CREM: variants seen among roughly 807,000 people sequenced by gnomAD.
CREM encodes the protein cAMP responsive element modulator, also known as cAMP-responsive element modulator.
Under a neutral mutation model 37.3 loss-of-function variants are expected in CREM, and 13 were observed. The observed-to-expected ratio is 0.35, with a 90% CI of 0.23 to 0.55. The LOEUF (loss-of-function observed/expected upper bound fraction) is 0.55, where lower values mean the gene tolerates loss of function less well. Among genes scored for constraint, CREM ranks in the 20% least tolerant of loss-of-function variants. CREM has a pLI of 0.88. For missense variants in CREM, 296 were observed against 362.3 expected (o/e 0.82, Z 1.49); for synonymous variants, 124 against 120.2 (o/e 1.03, Z -0.21).
At chr10:35,188,417 A>C (rs781623374) in intron 6 of CREM, 29 bp downstream of exon 6, 7 of 1,573,436 alleles carry the variant, frequency 4.4e-6, no homozygotes, top group African/African-American at 1.4e-5. Flanking sequence ...ATACATTTAG[A>C]ATACCTATGG....
chr10:35,167,628 G>A, intron 3 of CREM: 2 of 1,153,840 alleles, frequency 1.7e-6, no homozygotes, highest in South Asian at 2.6e-5. Flanking sequence ...GTCACTATTA[G>A]GGTTTTTTTT....
intron 6 of CREM, among the ~76,000 whole-genome samples, chr10:35,192,977 G>T (rs552265921): frequency 5.3e-5 from 8 of 152,212 alleles, no homozygotes; most frequent in African/African-American, 1.9e-4. Context: ...CCTGGGATAG[G>T]CCATGCCCTC....
intron 3 of CREM, among the ~76,000 whole-genome samples, chr10:35,156,340 C>T (rs1246704151): frequency 1.3e-5 from 2 of 152,050 alleles, no homozygotes; most frequent in Non-Finnish European, 2.9e-5. Flanking sequence ...CCTCAGTCTC[C>T]TGGGCTCAAG....
At chr10:35,128,618 T>C (rs954440672) in intron 1 of CREM, among the ~76,000 whole-genome samples, 1 of 150,434 alleles carries the variant, frequency 6.6e-6, no homozygotes, top group African/African-American at 2.5e-5. Context: ...CTCCGCCTCC[T>C]GGGTTCACGC....
At chr10:35,183,379 T>C (rs1392921038) in intron 5 of CREM, among the ~76,000 whole-genome samples, 2 of 152,224 alleles carry the variant, frequency 1.3e-5, no homozygotes, top group Non-Finnish European at 2.9e-5. Flanking sequence ...GGCTTACACA[T>C]TCGAAAGTTA....
chr10:35,141,962 G>A (rs1246143914), intron 2 of CREM, among the ~76,000 whole-genome samples: 4 of 152,148 alleles, frequency 2.6e-5, no homozygotes, highest in Non-Finnish European at 4.4e-5. Flanking sequence ...ATGCTGCTGA[G>A]GGATCAAACA....
intron 3 of CREM, chr10:35,171,175 T>TTA (rs1589849921): frequency 7.1e-6 from 1 of 141,206 alleles, no homozygotes; most frequent in East Asian, 2.1e-4. Flanking sequence ...TTTTTTTTTT[T>TTA]TTTTTTTTTT....
intron 6 of CREM, chr10:35,201,494 G>A (rs1342582370): frequency 1.4e-5 from 21 of 1,551,492 alleles, no homozygotes; most frequent in Non-Finnish European, 1.8e-5. Flanking sequence ...CTGGTAAGTG[G>A]CAGAGCTGGA....
chr10:35,178,722 C>T, intron 3 of CREM, 167 bp from the exon 4 acceptor site: 2 of 525,166 alleles, frequency 3.8e-6, no homozygotes, highest in South Asian at 3.4e-5. Flanking sequence ...TCTGCGCTTC[C>T]TTTCTTGAGC....
chr10:35,158,798 G>GTGTTTTTTTTTTTTTT (rs2093078412), intron 3 of CREM, among the ~76,000 whole-genome samples: 1 of 100,840 alleles, frequency 9.9e-6, no homozygotes, highest in African/African-American at 3.5e-5. Context: ...CAAATATAGT[G>GTGTTTTTTTTTTTTTT]TTTTTTTTTT....
intron 5 of CREM, among the ~76,000 whole-genome samples, chr10:35,187,368 T>G (rs1420578302): frequency 2.7e-5 from 4 of 147,882 alleles, no homozygotes; most frequent in Non-Finnish European, 5.9e-5. Flanking sequence ...CAAGTGATTC[T>G]CCTGTCTCAG....
chr10:35,196,142 G>A, intron 6 of CREM: 1 of 1,603,694 alleles, frequency 6.2e-7, no homozygotes, highest in Non-Finnish European at 8.5e-7. Context: ...GCATGCGCCT[G>A]GTGAGAAATG....
chr10:35,177,700 A>G (rs1181367520), intron 3 of CREM, among the ~76,000 whole-genome samples: 1 of 152,240 alleles, frequency 6.6e-6, no homozygotes, highest in Non-Finnish European at 1.5e-5. Flanking sequence ...ATCTTGTCCT[A>G]GAATACTTAC....
intron 3 of CREM, among the ~76,000 whole-genome samples, chr10:35,165,266 A>G (rs917483193): frequency 2.0e-5 from 3 of 151,892 alleles, no homozygotes; most frequent in Admixed American, 6.6e-5. Context: ...GAGAGGGAGC[A>G]AGAGAGAGGG....
intron 7 of CREM, among the ~76,000 whole-genome samples, chr10:35,208,896 TGGCTGTTA>T (rs771173045): frequency 6.6e-6 from 1 of 152,254 alleles, no homozygotes; most frequent in Non-Finnish European, 1.5e-5. Context: ...AGATGATACC[TGGCTGTTA>T]GGTTGCTCAT....
At chr10:35,131,741 G>A (rs949591797) in intron 1 of CREM, among the ~76,000 whole-genome samples, 11 of 151,990 alleles carry the variant, frequency 7.2e-5, no homozygotes, top group Non-Finnish European at 1.6e-4. Context: ...AGCTAATTCA[G>A]GTAGTTTATC....
intron 3 of CREM, among the ~76,000 whole-genome samples, chr10:35,169,893 G>T (rs563200763): frequency 2.7e-3 from 414 of 151,054 alleles, no homozygotes; most frequent in Non-Finnish European, 4.6e-3. Context: ...GCTGGATTAC[G>T]TTTATTGATT....
chr10:35,160,523 C>T (rs956993068), intron 3 of CREM, among the ~76,000 whole-genome samples: 9 of 152,152 alleles, frequency 5.9e-5, no homozygotes, highest in African/African-American at 1.7e-4. Context: ...CTCAGCCTCT[C>T]GAGTAACTGG....
chr10:35,138,399 A>C (rs866268703), intron 2 of CREM, among the ~76,000 whole-genome samples: 8 of 152,230 alleles, frequency 5.3e-5, no homozygotes, highest in African/African-American at 1.9e-4. Flanking sequence ...TAATAGAAAC[A>C]ACTTTAATAA....
Sources: gnomAD v4.1 joint callset for allele counts (sites outside exome capture counted in the v4.1 genomes callset) on GRCh38, gnomAD v4.1.1 for gene constraint, MANE v1.5 for transcripts, NCBI Gene and HGNC (gene_info 2026-07-23, HGNC 2026-07-21) for gene names.